TRIOBP: variants seen among roughly 807,000 people sequenced by gnomAD.
TRIOBP encodes the protein TRIO and F-actin binding protein, also known as TRIO and F-actin-binding protein.
TRIOBP carries 169 observed loss-of-function variants against 238.8 expected under a neutral mutation model. The observed-to-expected ratio is 0.71, with a 90% confidence interval of 0.62 to 0.80. TRIOBP has a LOEUF of 0.80. Ranked by LOEUF, TRIOBP falls within the 30% of genes least tolerant of loss-of-function variation. TRIOBP has a pLI of 0.00. For synonymous variants in TRIOBP, 1,150 were observed against 1,274.4 expected (o/e 0.90, Z 2.08); for missense variants, 2,838 against 3,122.6 (o/e 0.91, Z 2.17).
chr22:37,763,223 G>T (rs1471171308), intron 17 of TRIOBP, among the ~76,000 whole-genome samples: 1 of 152,180 alleles, frequency 6.6e-6, no homozygotes, highest in Non-Finnish European at 1.5e-5. Flanking sequence ...CAGGGTTCCC[G>T]TGCCCAGGGA....
Position 37,743,870 on chromosome 22 carries a change from GGTGT to G in TRIOBP, c.5322+2854_5322+2857del, listed in dbSNP as rs10584080. Among the ~76,000 whole-genome samples, 645 of 143,162 alleles carry G rather than the reference GGTGT, an allele frequency of 4.5e-3. 9 individuals are homozygous for G. Among genetic ancestry groups the G allele is most frequent in the Middle Eastern group, 0.034 (10 of 290 alleles). 93.9% of individuals were successfully genotyped at this position (143,162 alleles called of 152,430 possible). On this transcript the variant is annotated intron_variant, in intron 11 of 23. Coordinates refer to ENST00000644935, the MANE Select transcript of TRIOBP (RefSeq NM_001039141.3). ...GCTGGGTGTGTGTGAGTGTGTGCTG[GGTGT>G]GTGTGTGTGTGTGTGCTGGGGTACA... is the stretch of plus-strand genomic sequence containing the variant.
At chr22:37,760,859 C>A (rs1275719783) in intron 17 of TRIOBP, among the ~76,000 whole-genome samples, 1 of 151,704 alleles carries the variant, frequency 6.6e-6, no homozygotes, top group East Asian at 1.9e-4. Flanking sequence ...GTAGTCCCAG[C>A]TACTTGGGAG....
rs190819150 is a variant in TRIOBP at position 37,713,007 on chromosome 22, A to G, written c.255-203A>G. ...AAATAAATAAATAAATAATAAAATT[A>G]CAAAAAAAAAAGGGATGCTGTTTTA... On this transcript the variant is annotated intron_variant, in intron 4 of 23. Transcript: ENST00000644935. Among the ~76,000 whole-genome samples the G allele has an allele frequency of 1.4e-4, 21 of 151,370 alleles. No homozygotes were observed. In the East Asian group the frequency reaches 3.9e-3, roughly 28 times the overall value.
rs1260067823 is a variant in TRIOBP at position 37,723,330 on chromosome 22, G to A, written c.774G>A (p.Gln258=). 1.2e-6 allele frequency: 2 copies of A among 1,614,080 alleles called. No individual in the cohort carries two copies. Among genetic ancestry groups the A allele is most frequent in the East Asian group, 4.5e-5 (2 of 44,882 alleles). ...PHSGPRSTTS[Q]ASPAQRDTAQ... ...GTGGACCTCGAAGCACCACGTCTCA[G>A]GCTTCTCCTGCCCAAAGGGACACTG... The change falls in exon 7 of 24, where the codon CAG becomes CAA. Residue 258 remains glutamine, a synonymous_variant. Coordinates refer to ENST00000644935, the MANE Select transcript of TRIOBP (RefSeq NM_001039141.3).
At chr22:37,751,651 G>A in intron 11 of TRIOBP, 121 bp from the exon 12 acceptor site, 2 of 1,149,010 alleles carry the variant, frequency 1.7e-6, no homozygotes, top group South Asian at 2.6e-5. Context: ...CCTCTTGGCT[G>A]GCTTCCCAGG....
intron 17 of TRIOBP, among the ~76,000 whole-genome samples, chr22:37,762,232 T>C (rs1601663333): frequency 1.3e-5 from 2 of 152,190 alleles, no homozygotes; most frequent in Admixed American, 1.3e-4. Flanking sequence ...CCTGGCTAAT[T>C]AAAAAAATTT....
chr22:37,726,931 A>C (rs532083623), intron 7 of TRIOBP, among the ~76,000 whole-genome samples: 1 of 142,812 alleles, frequency 7.0e-6, no homozygotes, highest in Non-Finnish European at 1.5e-5. Context: ...TTTGAGGTGG[A>C]GTTTTGCTCT....
intron 11 of TRIOBP, among the ~76,000 whole-genome samples, chr22:37,741,948 C>A (rs913543818): frequency 1.3e-5 from 2 of 152,168 alleles, no homozygotes; most frequent in African/African-American, 2.4e-5. Flanking sequence ...TTCCCATCCA[C>A]TTCAGAATTT....
In TRIOBP at chr22:37,734,484, C is replaced by T. The variant is rs1487686936; in HGVS notation, c.4148C>T (p.Pro1383Leu). The part of the protein sequence containing the change: ...PPHPWSPEKR[P>L]EGDRQLQGSP... ...CATCCTTGGAGTCCTGAGAAGAGACCTGAGGGAGATCGGCAGCTCCAGGGG... is the reference window on the plus strand; with the variant it reads ...CATCCTTGGAGTCCTGAGAAGAGACTTGAGGGAGATCGGCAGCTCCAGGGG... The change falls in exon 9 of 24, where the codon CCT becomes CTT. Residue 1383 changes from proline (P) to leucine (L), a missense_variant. Transcript: ENST00000644935. The T allele has an allele frequency of 1.6e-5, 25 of 1,612,344 alleles. No individual in the cohort carries two copies. The highest frequency in any genetic ancestry group is 1.9e-5 in the Non-Finnish European group (23 of 1,179,686).
chr22:37,710,584 GC>G lies in TRIOBP; in HGVS notation c.254+21del. The G allele has an allele frequency of 6.2e-7, 1 of 1,604,514 alleles. No individual in the cohort carries two copies. On this transcript the variant is annotated intron_variant, in intron 4 of 23. Coordinates refer to ENST00000644935, the MANE Select transcript of TRIOBP (RefSeq NM_001039141.3). ...CCCAAGAGGTGGGTAGAGTCCCAGG[GC>G]CCAGGAAGGGCTTCATGGGGTGGAA...
chr22:37,725,668 TTCCCC>T lies in TRIOBP; in HGVS notation c.3114_3118del (p.Pro1039LeufsTer8). ...CCCTCGCTATTTGCAGCACGACCCC[TTCCCC>T]TTCTTCCCAGAGCCCCGCGCCCCTG... On this transcript the variant is annotated frameshift_variant, in exon 7 of 24. Coordinates refer to ENST00000644935, the MANE Select transcript of TRIOBP (RefSeq NM_001039141.3). LOFTEE classifies it high-confidence loss of function. 6.2e-7 allele frequency: 1 copy of T among 1,602,886 alleles called. No homozygotes were observed. The highest frequency in any genetic ancestry group is 1.1e-5 in the South Asian group (1 of 89,984).
rs1317078880 is a variant in TRIOBP, at chr22:37,734,479, G to A, written c.4143G>A (p.Lys1381=). The change falls in exon 9 of 24, where the codon AAG becomes AAA. Residue 1381 remains lysine, a synonymous_variant. Transcript: ENST00000644935. ...CCCCTCATCCTTGGAGTCCTGAGAA[G>A]AGACCTGAGGGAGATCGGCAGCTCC... ...AEPPHPWSPE[K]RPEGDRQLQG... The A allele has an allele frequency of 1.9e-6, 3 of 1,612,588 alleles. No individual in the cohort carries two copies. The highest frequency in any genetic ancestry group is 2.7e-5 in the African/African-American group (2 of 74,906).
intron 12 of TRIOBP, 83 bp downstream of exon 12, chr22:37,751,911 T>C (rs926981457): frequency 1.3e-5 from 5 of 390,284 alleles, no homozygotes; most frequent in Admixed American, 7.6e-5. Context: ...GGGGTGGGGC[T>C]GGGGCTGGTG....
chr22:37,768,037 C>T (rs1275387711), intron 18 of TRIOBP, 37 bp from the exon 19 acceptor site: 4 of 1,565,720 alleles, frequency 2.6e-6, no homozygotes, highest in Admixed American at 3.6e-5. Flanking sequence ...GCTGACCCCC[C>T]TCCAGTCTCT....
At chr22:37,731,576 C>T (rs1338167718) in intron 7 of TRIOBP, among the ~76,000 whole-genome samples, 1 of 152,126 alleles carries the variant, frequency 6.6e-6, no homozygotes. Flanking sequence ...CCTGCCTCAG[C>T]CTCCTGAGTA....
intron 7 of TRIOBP, among the ~76,000 whole-genome samples, chr22:37,729,210 G>T (rs1333880444): frequency 6.6e-6 from 1 of 150,872 alleles, no homozygotes; most frequent in Admixed American, 6.6e-5. Context: ...GAGCCACCGT[G>T]CCTGGTCTGA....
At chr22:37,759,651 A>C (rs1926139166) in intron 17 of TRIOBP, 1 of 1,529,280 alleles carries the variant, frequency 6.5e-7, no homozygotes, top group Non-Finnish European at 8.7e-7. Flanking sequence ...ACACAGGGAA[A>C]TCCTGCCGAG....
rs952509710 is a variant in TRIOBP, at chr22:37,767,997, G to A, written c.6473-77G>A. The A allele has an allele frequency of 1.6e-5, 17 of 1,086,072 alleles. No homozygotes were observed. In the South Asian group the frequency reaches 2.1e-4, roughly 14 times the overall value. 67.3% of individuals were successfully genotyped at this position (1,086,072 alleles called of 1,614,324 possible). A position where few individuals can be genotyped will look rare whatever the true frequency, so the allele number is the denominator to read the frequency against. ...CACATAGTACTCCACCAGTACATGTGGCGTCTCAGAGCTGGTGGCACTTGG... is the reference window on the plus strand; with the variant it reads ...CACATAGTACTCCACCAGTACATGTAGCGTCTCAGAGCTGGTGGCACTTGG... On this transcript the variant is annotated intron_variant, in intron 18 of 23. Coordinates refer to ENST00000644935, the MANE Select transcript of TRIOBP (RefSeq NM_001039141.3).
chr22:37,712,182 A>AATT (rs762592120), intron 4 of TRIOBP, among the ~76,000 whole-genome samples: 27 of 150,912 alleles, frequency 1.8e-4, no homozygotes, highest in South Asian at 1.1e-3. Flanking sequence ...GTGAAATGGG[A>AATT]ATTATTATTA....
Sources: allele counts gnomAD v4.1 joint callset (sites outside exome capture counted in the v4.1 genomes callset), GRCh38; gene constraint gnomAD v4.1.1; transcripts MANE v1.5; gene names NCBI Gene and HGNC (gene_info 2026-07-23, HGNC 2026-07-21).